RAD54L: variants seen among roughly 807,000 people sequenced by gnomAD.
The protein encoded by RAD54L is DNA repair and recombination protein RAD54-like.
In RAD54L, 74 loss-of-function variants were observed where a neutral mutation model predicts 91.6. That is an observed-to-expected ratio of 0.81 (90% CI 0.67 to 0.98). The LOEUF (loss-of-function observed/expected upper bound fraction) is 0.98. RAD54L is among the 50% of genes least tolerant of loss of function. RAD54L has a pLI of 0.00. For synonymous variants in RAD54L, 304 were observed against 349.7 expected, an observed-to-expected ratio of 0.87 and a Z score of 1.46; for missense variants, 887 against 945.7, an observed-to-expected ratio of 0.94 and a Z score of 0.81.
chr1:46,249,425 C>T (rs1013679829), intron 2 of RAD54L, among the ~76,000 whole-genome samples: 3 of 152,302 alleles, frequency 2.0e-5, no homozygotes, highest in African/African-American at 7.2e-5. Context: ...AGGGGCTTCT[C>T]TACCTGTGAA....
At chr1:46,258,652 C>G in intron 3 of RAD54L, 34 bp from the exon 4 acceptor site, 5 of 1,499,546 alleles carry the variant, frequency 3.3e-6, no homozygotes, top group Non-Finnish European at 4.6e-6. Flanking sequence ...CATCTCCAGT[C>G]AGTCCTGAAT....
chr1:46,257,933 T>C (rs911284630), intron 3 of RAD54L, among the ~76,000 whole-genome samples: 4 of 152,204 alleles, frequency 2.6e-5, no homozygotes, highest in African/African-American at 9.6e-5. Flanking sequence ...ACACCAGTAA[T>C]ATATGGACCT....
intron 8 of RAD54L, among the ~76,000 whole-genome samples, chr1:46,262,806 C>T (rs2148290863): frequency 6.6e-6 from 1 of 152,170 alleles, no homozygotes; most frequent in South Asian, 2.1e-4. Context: ...TTCCCTTTGG[C>T]ATAGTTTGGG....
chr1:46,253,363 C>G (rs1659852932), intron 3 of RAD54L, among the ~76,000 whole-genome samples: 2 of 152,196 alleles, frequency 1.3e-5, no homozygotes, highest in South Asian at 4.1e-4. Context: ...CCTATAATCC[C>G]AACACTTTGG....
chr1:46,256,086 T>A lies in RAD54L; in HGVS notation c.211-2600T>A, dbSNP rs150519621. Reference sequence around the variant, plus strand: ...CTCTCATTTGACTTAAGAGTAGCTTTTTTTTTTCCTTTGAGGCAGGTCTTG... The same window carrying A: ...CTCTCATTTGACTTAAGAGTAGCTTATTTTTTTCCTTTGAGGCAGGTCTTG... On this transcript the variant is annotated intron_variant, in intron 3 of 17. Transcript: ENST00000371975. Among the ~76,000 whole-genome samples, 199 of 152,130 alleles carry A rather than the reference T, an allele frequency of 1.3e-3. 1 individual carries two copies. Among genetic ancestry groups the A allele is most frequent in the Middle Eastern group, 6.8e-3 (2 of 294 alleles).
In RAD54L at chr1:46,273,663, G is replaced by C. The variant is rs748191191; in HGVS notation, c.1526G>C (p.Arg509Pro). 1 of 1,613,938 alleles carries C rather than the reference G, an allele frequency of 6.2e-7. No homozygotes were observed. Among genetic ancestry groups the C allele is most frequent in the African/African-American group, 1.3e-5 (1 of 75,010 alleles). Residue 509 changes from arginine to proline, a missense_variant, in exon 14 of 18, where the codon CGA (arginine) becomes CCA (proline). Transcript: ENST00000371975. ...CTGGATTATATTCTGGCGGTGACCC[G>C]AAGCCGTAGCAGTGACAAAGTAGTG... ...LVLDYILAVT[R>P]SRSSDKVVLV...
rs756364338 is a variant in RAD54L, at chr1:46,270,658, G to A, written c.1043-1G>A. 2 of 1,614,088 alleles carry A rather than the reference G, an allele frequency of 1.2e-6. No individual in the cohort carries two copies. Among genetic ancestry groups the A allele is most frequent in the South Asian group, 2.2e-5 (2 of 91,080 alleles). ...CTGTTTTCCTTCTCTCCTGTGTTTAGGGACTGCCCATGAATTCAAGAAGCA... is the reference window on the plus strand; with the variant it reads ...CTGTTTTCCTTCTCTCCTGTGTTTAAGGACTGCCCATGAATTCAAGAAGCA... On this transcript the variant is annotated splice_acceptor_variant, in intron 9 of 17. Transcript: ENST00000371975. LOFTEE classifies it high-confidence loss of function.
At chr1:46,277,742 T>C in intron 16 of RAD54L, 75 bp from the exon 17 acceptor site, 1 of 1,502,418 alleles carries the variant, frequency 6.7e-7, no homozygotes, top group Non-Finnish European at 9.2e-7. Flanking sequence ...TTCAACCCTT[T>C]GGTTTTCCTG....
chr1:46,275,256 C>T (rs973287367), intron 16 of RAD54L, among the ~76,000 whole-genome samples: 2 of 152,204 alleles, frequency 1.3e-5, no homozygotes, highest in African/African-American at 4.8e-5. Context: ...ATCCAGCACT[C>T]TGGCCTTCAT....
chr1:46,261,845 G>A (rs1203882378), intron 8 of RAD54L, among the ~76,000 whole-genome samples: 1 of 152,114 alleles, frequency 6.6e-6, no homozygotes, highest in Admixed American at 6.6e-5. Context: ...ATTTAAAGGG[G>A]GGCTGGCCAC....
intron 3 of RAD54L, among the ~76,000 whole-genome samples, chr1:46,258,414 GTC>G (rs1221927746): frequency 6.6e-6 from 1 of 152,114 alleles, no homozygotes; most frequent in Non-Finnish European, 1.5e-5. Context: ...GGTTGGCTAA[GTC>G]TGTGGTATTT....
chr1:46,278,049 TC>T (rs1423994033), intron 17 of RAD54L, 22 bp from the exon 18 acceptor site: 3 of 1,614,030 alleles, frequency 1.9e-6, no homozygotes, highest in Non-Finnish European at 1.7e-6. Context: ...TGTAGTGACT[TC>T]AGCTGTGCCT....
rs922837357 is a variant in RAD54L at position 46,250,089 on chromosome 1, T to C, written c.180T>C (p.Asn60=). 1.2e-6 allele frequency: 2 copies of C among 1,614,148 alleles called. No homozygotes were observed. The highest frequency in any genetic ancestry group is 1.7e-5 in the Admixed American group (1 of 60,012). ...GGAAACCTTTGAGTCAGCTAACCAA[T>C]CAACCACCTTGTCTGGACAGCAGTC... ...PFRKPLSQLT[N]QPPCLDSSQH... The change falls in exon 3 of 18, where the codon AAT becomes AAC. Residue 60 remains asparagine, a synonymous_variant. Coordinates refer to ENST00000371975, the MANE Select transcript of RAD54L (RefSeq NM_003579.4).
chr1:46,273,331 G>A (rs1660489928), intron 12 of RAD54L, 24 bp from the exon 13 acceptor site: 1 of 1,568,662 alleles, frequency 6.4e-7, no homozygotes, highest in Non-Finnish European at 8.8e-7. Flanking sequence ...CAAAGTATCT[G>A]GGTTTTGTTT....
chr1:46,262,866 G>GA (rs1230182448), intron 8 of RAD54L, among the ~76,000 whole-genome samples: 1 of 152,124 alleles, frequency 6.6e-6, no homozygotes, highest in Non-Finnish European at 1.5e-5. Context: ...TAGAGTTAGA[G>GA]ACCTTTATTT....
rs773089761 is a variant in RAD54L, at chr1:46,260,866, A to G, written c.617A>G (p.Glu206Gly). 6 of 1,614,126 alleles carry G rather than the reference A, an allele frequency of 3.7e-6. No homozygotes were observed. In the Admixed American group the frequency reaches 1.0e-4, roughly 27 times the overall value. ...TGGACACTTTTACGCCAGAGTCCAG[A>G]GTGCAAGCCAGAAATTGACAAGGCA... ...LMWTLLRQSP[E>G]CKPEIDKAVV... Residue 206 changes from glutamate (E) to glycine (G), a missense_variant, in exon 7 of 18, where the codon GAG becomes GGG. By Grantham distance (98) the Glu-to-Gly change is moderately conservative. Transcript: ENST00000371975.
In RAD54L at chr1:46,277,978, C is replaced by T. The variant is rs2148308202; in HGVS notation, c.2031C>T (p.Asp677=). Residue 677 remains aspartate, a splice_region_variant and synonymous_variant, in exon 17 of 18, where the codon GAC becomes GAT. Coordinates refer to ENST00000371975, the MANE Select transcript of RAD54L (RefSeq NM_003579.4). ...AAGCTAGCCTCAGTGACACACATGACAGGTGGGGAAGTGCCCTAACCATTA... is the reference window on the plus strand; with the variant it reads ...AAGCTAGCCTCAGTGACACACATGATAGGTGGGGAAGTGCCCTAACCATTA... ...LDEASLSDTH[D]RLHCRRCVNS... 6.2e-7 allele frequency: 1 copy of T among 1,614,164 alleles called. No homozygotes were observed. Among genetic ancestry groups the T allele is most frequent in the Non-Finnish European group, 8.5e-7 (1 of 1,180,038 alleles).
At chr1:46,272,091 G>A (rs1315497113) in intron 10 of RAD54L, among the ~76,000 whole-genome samples, 1 of 118,230 alleles carries the variant, frequency 8.5e-6, no homozygotes, top group Non-Finnish European at 1.6e-5. Context: ...TGCCCAAGCT[G>A]GAATGCAATG....
At chr1:46,272,929 C>T (rs1660477138) in intron 12 of RAD54L, 127 bp downstream of exon 12, 1 of 1,354,118 alleles carries the variant, frequency 7.4e-7, no homozygotes, top group Non-Finnish European at 1.0e-6. Context: ...CATGTGATTC[C>T]AACCCTACCC....
Sources: gnomAD v4.1 joint callset for allele counts (sites outside exome capture counted in the v4.1 genomes callset) on GRCh38, gnomAD v4.1.1 for gene constraint, MANE v1.5 for transcripts, NCBI Gene and HGNC (gene_info 2026-07-23, HGNC 2026-07-21) for gene names.